The following ATPAF1 variants were observed in gnomAD, a reference collection of about 807,000 sequenced individuals.
ATPAF1 encodes ATP synthase mitochondrial F1 complex assembly factor 1, also known as homolog of yeast ATP11.
In ATPAF1, 26 loss-of-function variants were observed where a neutral mutation model predicts 43.9. That is an observed-to-expected ratio of 0.59 (90% CI 0.43 to 0.82). The LOEUF (loss-of-function observed/expected upper bound fraction) is 0.82, where lower values mean the gene tolerates loss of function less well. ATPAF1 is among the 40% of genes least tolerant of loss of function. ATPAF1 has a pLI of 0.00. For missense variants in ATPAF1, 366 were observed against 435.0 expected (o/e 0.84, Z 1.41); for synonymous variants, 157 against 168.0 (o/e 0.93, Z 0.50).
At chr1:46,652,622 T>C (rs1676193108) in exon 6 of ATPAF1, 2 of 1,613,054 alleles carry the variant, frequency 1.2e-6, no homozygotes. Context: ...AAATCAAACT[T>C]TTCTGCCTGT....
At chr1:46,633,419 A>G (rs1324446872), downstream of ATPAF1, 3 of 93,198 alleles carry the variant, frequency 3.2e-5, no homozygotes, top group African/African-American at 2.0e-4. Context: ...TTTTAGATGG[A>G]AAAAAAACCC....
rs76061125 is a variant in ATPAF1, at chr1:46,642,074, G to C, written c.792+1120C>G. On this transcript the variant is annotated intron_variant, in intron 8 of 8. Coordinates refer to ENST00000574428, the Ensembl canonical transcript of ATPAF1. ...TTTTCCTGTTAGGCCTATTCCTCCT[G>C]CAATCTTGCCTATCTCAGTTAATGG... Among the ~76,000 whole-genome samples the C allele has an allele frequency of 4.2e-3, 639 of 152,186 alleles. 1 individual carries two copies. Among genetic ancestry groups the C allele is most frequent in the African/African-American group, 0.014 (587 of 41,518 alleles).
chr1:46,665,247 A>C lies in ATPAF1; in HGVS notation c.375+9T>G, dbSNP rs1676468774. On this transcript the variant is annotated intron_variant, in intron 2 of 8. Transcript: ENST00000574428. The stretch of plus-strand genomic sequence containing the variant: ...GTAAGCAAACACCACAAATGGGGGA[A>C]GGTCTTACCTTCTGTTCCACACATT... 2 of 1,613,430 alleles carry C rather than the reference A, an allele frequency of 1.2e-6. No individual in the cohort carries two copies. The highest frequency in any genetic ancestry group is 1.7e-6 in the Non-Finnish European group (2 of 1,179,280).
chr1:46,663,955 G>GA (rs780932045), intron 2 of ATPAF1: 82 of 1,224,858 alleles, frequency 6.7e-5, no homozygotes, highest in Non-Finnish European at 8.3e-5. Context: ...AATAGGTTGT[G>GA]AAATACATTT....
intron 6 of ATPAF1, among the ~76,000 whole-genome samples, chr1:46,647,195 C>T (rs955415693): frequency 2.0e-5 from 3 of 152,176 alleles, no homozygotes; most frequent in Admixed American, 1.3e-4. Context: ...TCCACCTACA[C>T]ATTCCTTCCA....
intron 2 of ATPAF1, chr1:46,664,984 G>A: frequency 2.5e-6 from 1 of 405,294 alleles, no homozygotes; most frequent in East Asian, 4.4e-5. Context: ...GATACCTCTA[G>A]CCTACTACCA....
chr1:46,665,650 C>T (rs1362828367), intron 1 of ATPAF1: 2 of 1,534,522 alleles, frequency 1.3e-6, no homozygotes, highest in Admixed American at 3.9e-5. Flanking sequence ...TACTTACATT[C>T]AGGGTACTTA....
chr1:46,641,856 T>C (rs935146295), intron 8 of ATPAF1, among the ~76,000 whole-genome samples: 3 of 152,114 alleles, frequency 2.0e-5, no homozygotes, highest in Non-Finnish European at 4.4e-5. Context: ...GTCTCTTCTC[T>C]ATTTTTACTT....
At chr1:46,634,055 C>T (rs552260417), downstream of ATPAF1, 31 of 346,248 alleles carry the variant, frequency 9.0e-5, no homozygotes, top group Middle Eastern at 1.0e-3. Flanking sequence ...AGGATAGCAG[C>T]TTCCCCAGTT....
intron 6 of ATPAF1, among the ~76,000 whole-genome samples, chr1:46,646,129 G>A (rs1370384028): frequency 6.6e-6 from 1 of 152,226 alleles, no homozygotes; most frequent in African/African-American, 2.4e-5. Context: ...GGGCAACATA[G>A]TGAGACCCTG....
intron 2 of ATPAF1, among the ~76,000 whole-genome samples, chr1:46,659,210 TA>T (rs1676337372): frequency 6.6e-6 from 1 of 151,830 alleles, no homozygotes; most frequent in South Asian, 2.1e-4. Context: ...AATAAATAAA[TA>T]AAAAGAAATA....
At chr1:46,658,081 G>T (rs747218639) in intron 4 of ATPAF1, 46 bp downstream of exon 4, 1 of 1,558,934 alleles carries the variant, frequency 6.4e-7, no homozygotes, top group Non-Finnish European at 8.8e-7. Flanking sequence ...TTGGTTCACA[G>T]AATTCACATT....
chr1:46,652,460 C>A, intron 6 of ATPAF1, 121 bp downstream of exon 6: 1 of 967,578 alleles, frequency 1.0e-6, no homozygotes, highest in Non-Finnish European at 1.5e-6. Context: ...ATGTGAGCAT[C>A]TTTATTAAGT....
intron 1 of ATPAF1, among the ~76,000 whole-genome samples, chr1:46,667,290 A>G (rs1190797591): frequency 6.6e-6 from 1 of 152,212 alleles, no homozygotes; most frequent in East Asian, 1.9e-4. Context: ...GTTTCCTTTC[A>G]TAAGACAACT....
intron 5 of ATPAF1, 140 bp from the exon 6 acceptor site, chr1:46,652,768 C>T (rs1006792678): frequency 1.3e-6 from 1 of 755,526 alleles, no homozygotes; most frequent in African/African-American, 1.8e-5. Context: ...TTTCAAATCA[C>T]TCTTATGACA....
intron 2 of ATPAF1, among the ~76,000 whole-genome samples, chr1:46,659,255 T>G (rs1384390968): frequency 1.3e-5 from 2 of 152,096 alleles, no homozygotes; most frequent in African/African-American, 4.8e-5. Context: ...GAAAACAACT[T>G]TCTTCTAAGA....
Position 46,668,052 on chromosome 1 carries a change from C to T in ATPAF1, c.266+5G>A. 4 of 1,399,324 alleles carry T rather than the reference C, an allele frequency of 2.9e-6. No individual in the cohort carries two copies. Among genetic ancestry groups the T allele is most frequent in the East Asian group, 3.0e-5 (1 of 32,798 alleles). The allele number at this position is 1,399,324 out of a possible 1,614,324, so 86.7% of individuals were successfully genotyped here. Reference sequence around the variant, plus strand: ...TGCCCGCCTCCAGCCAACCCAGGCCCGCACCTGCGCAGCAGCTGGATCTTG... The same window carrying T: ...TGCCCGCCTCCAGCCAACCCAGGCCTGCACCTGCGCAGCAGCTGGATCTTG... On this transcript the variant is annotated splice_donor_5th_base_variant and intron_variant, in intron 1 of 8. Transcript: ENST00000574428. This position sits in a 1 kb window ranked among gnomAD's most constrained non-coding sequence, Gnocchi z 4.4.
rs1436578361 is a variant in ATPAF1 at position 46,647,516 on chromosome 1, A to G, written c.589-2260T>C. On this transcript the variant is annotated intron_variant, in intron 6 of 8. Coordinates refer to ENST00000574428, the Ensembl canonical transcript of ATPAF1. ...TGTATACACACATACACACACACAC[A>G]CACACACATGCACATTCTCTCTTTC... Among the ~76,000 whole-genome samples the G allele has an allele frequency of 3.0e-4, 45 of 152,012 alleles. 1 individual carries two copies. Among genetic ancestry groups the G allele is most frequent in the Admixed American group, 2.9e-3 (45 of 15,266 alleles).
intron 4 of ATPAF1, among the ~76,000 whole-genome samples, chr1:46,654,701 C>A (rs994845650): frequency 1.4e-4 from 21 of 152,078 alleles, no homozygotes; most frequent in African/African-American, 4.8e-4. Flanking sequence ...GCCCTCCACC[C>A]CCTGACAGGC....
Sources: allele counts gnomAD v4.1 joint callset (sites outside exome capture counted in the v4.1 genomes callset), GRCh38; gene constraint gnomAD v4.1.1; non-coding constraint Gnocchi (gnomAD v3.1); transcripts MANE v1.5; gene names NCBI Gene and HGNC (gene_info 2026-07-23, HGNC 2026-07-21).